The following LEPR variants were observed in gnomAD, a reference collection of about 807,000 sequenced individuals.
The protein encoded by LEPR is leptin receptor.
Under a neutral mutation model 114.7 loss-of-function variants are expected in LEPR, and 56 were observed. That is an observed-to-expected ratio of 0.49 (90% CI 0.39 to 0.61). The LOEUF (loss-of-function observed/expected upper bound fraction) is 0.61. Ranked by LOEUF, LEPR falls within the 20% of genes least tolerant of loss-of-function variation. LEPR has a pLI of 0.00. For synonymous variants in LEPR, 443 were observed against 461.4 expected, an observed-to-expected ratio of 0.96 and a Z score of 0.51; for missense variants, 1,202 against 1,352.9, an observed-to-expected ratio of 0.89 and a Z score of 1.75.
intron 1 of LEPR, among the ~76,000 whole-genome samples, chr1:65,420,963 C>T (rs761798008): frequency 2.0e-5 from 3 of 152,166 alleles, no homozygotes; most frequent in East Asian, 3.9e-4. Context: ...GCTGGCCTTC[C>T]TGCTCTCCAG....
rs149267951 is a variant in LEPR, at chr1:65,585,760, C to T, written c.495-6897C>T. ...TTTGCTTGTTTTAAGCCAAGTATAT[C>T]TCCTGTTACTTTTAAAATTTGATGA... On this transcript the variant is annotated intron_variant, in intron 5 of 19. Coordinates refer to ENST00000349533, the MANE Select transcript of LEPR (RefSeq NM_002303.6). Among the ~76,000 whole-genome samples the T allele has an allele frequency of 1.6e-4, 25 of 152,026 alleles. No homozygotes were observed. The East Asian group carries it at 4.8e-3, about 29-fold the overall frequency.
At chr1:65,590,305 C>A (rs1247649400) in intron 5 of LEPR, among the ~76,000 whole-genome samples, 2 of 150,058 alleles carry the variant, frequency 1.3e-5, no homozygotes, top group Non-Finnish European at 3.0e-5. Flanking sequence ...CAATATCGTG[C>A]TTTCAGTTTT....
chr1:65,526,766 C>T (rs1198337318), intron 2 of LEPR, among the ~76,000 whole-genome samples: 1 of 152,118 alleles, frequency 6.6e-6, no homozygotes, highest in Non-Finnish European at 1.5e-5. Flanking sequence ...AAGATAATTT[C>T]TGAGGGCCTT....
At chr1:65,521,056 C>T (rs572849261) in intron 2 of LEPR, among the ~76,000 whole-genome samples, 1 of 152,298 alleles carries the variant, frequency 6.6e-6, no homozygotes, top group South Asian at 2.1e-4. Flanking sequence ...CAGTTTATGG[C>T]CAGATTTGGG....
At chr1:65,531,247 G>T (rs1650374634) in intron 2 of LEPR, among the ~76,000 whole-genome samples, 1 of 152,024 alleles carries the variant, frequency 6.6e-6, no homozygotes, top group Non-Finnish European at 1.5e-5. Context: ...AGCTTTTCCT[G>T]CCTTGAATGC....
intron 2 of LEPR, among the ~76,000 whole-genome samples, chr1:65,544,665 C>G (rs566445158): frequency 6.7e-6 from 1 of 149,616 alleles, no homozygotes; most frequent in African/African-American, 2.5e-5. Flanking sequence ...TGAATATTAT[C>G]GAAGGCCTTT....
At chr1:65,578,632 T>A (rs1654763645) in intron 5 of LEPR, among the ~76,000 whole-genome samples, 1 of 152,228 alleles carries the variant, frequency 6.6e-6, no homozygotes, top group Admixed American at 6.5e-5. Context: ...TATTGCTCTC[T>A]GGGCAGTATT....
intron 2 of LEPR, among the ~76,000 whole-genome samples, chr1:65,481,504 C>G (rs919404758): frequency 6.6e-6 from 1 of 151,864 alleles, no homozygotes; most frequent in African/African-American, 2.4e-5. Flanking sequence ...AACACACTTT[C>G]CAAGGAACAG....
chr1:65,516,701 G>C (rs1418508611), intron 2 of LEPR, among the ~76,000 whole-genome samples: 1 of 152,184 alleles, frequency 6.6e-6, no homozygotes, highest in African/African-American at 2.4e-5. Context: ...ATGCAACTCA[G>C]TGCGTAAGAA....
chr1:65,593,234 G>A (rs1213860728), intron 6 of LEPR, among the ~76,000 whole-genome samples: 1 of 152,024 alleles, frequency 6.6e-6, no homozygotes, highest in Non-Finnish European at 1.5e-5. Flanking sequence ...ATGTTTGTCA[G>A]AGACTGCTCC....
At position 65,637,139 on chromosome 1, in the gene LEPR, A is replaced by G; in HGVS notation, c.*124A>G. The G allele has an allele frequency of 8.7e-7, 1 of 1,150,340 alleles. No homozygotes were observed. The allele number at this position is 1,150,340 out of a possible 1,614,324, so 71.3% of individuals were successfully genotyped here. ...ATTTGAAAATAATTGTTCCAAATGA[A>G]TGTTGTCTGTTTGTTCTCTCTTAGT... On this transcript the variant is annotated 3_prime_UTR_variant, in exon 20 of 20. Transcript: ENST00000349533.
intron 2 of LEPR, chr1:65,428,112 G>C (rs1646415241): frequency 6.6e-6 from 1 of 152,418 alleles, no homozygotes; most frequent in Non-Finnish European, 1.5e-5. Flanking sequence ...ATGGCTTGCA[G>C]ATCCTCGTTA....
chr1:65,486,697 A>G (rs1647503081), intron 2 of LEPR, among the ~76,000 whole-genome samples: 1 of 152,196 alleles, frequency 6.6e-6, no homozygotes, highest in Non-Finnish European at 1.5e-5. Context: ...GAAAGTTCCA[A>G]CACTAAGGCT....
chr1:65,428,796 C>G (rs1005505896), intron 2 of LEPR, among the ~76,000 whole-genome samples: 3 of 151,722 alleles, frequency 2.0e-5, no homozygotes, highest in African/African-American at 2.4e-5. Flanking sequence ...TTTTGAAGTA[C>G]TGATAGAGAA....
chr1:65,477,569 A>G (rs917696855), intron 2 of LEPR, among the ~76,000 whole-genome samples: 3 of 152,148 alleles, frequency 2.0e-5, no homozygotes, highest in African/African-American at 7.2e-5. Flanking sequence ...GCCACCTGGG[A>G]TCTCTGTGGC....
At chr1:65,626,031 T>A (rs751252338) in intron 19 of LEPR, 24 of 1,155,150 alleles carry the variant, frequency 2.1e-5, no homozygotes, top group Non-Finnish European at 2.9e-5. Context: ...CATGAAGTGG[T>A]TTCTCAGTGT....
At chr1:65,618,312 C>CCTCTTCTCTTCTCTTCTCTT (rs58102309) in intron 16 of LEPR, among the ~76,000 whole-genome samples, 166 bp downstream of exon 16, 72 of 150,270 alleles carry the variant, frequency 4.8e-4, no homozygotes, top group African/African-American at 1.6e-3. Context: ...TAATTCTCTT[C>CCTCTTCTCTTCTCTTCTCTT]CTCTTCTCTT....
chr1:65,576,865 G>A (rs991445061), intron 5 of LEPR: 1 of 317,654 alleles, frequency 3.1e-6, no homozygotes, highest in Non-Finnish European at 6.2e-6. Context: ...ACCCAGATCT[G>A]AAATGTTATT....
At chr1:65,470,230 C>T (rs1647066389) in intron 2 of LEPR, among the ~76,000 whole-genome samples, 1 of 152,178 alleles carries the variant, frequency 6.6e-6, no homozygotes, top group African/African-American at 2.4e-5. Context: ...CCAAGAGGGG[C>T]TGAAATAACT....
Sources: allele counts gnomAD v4.1 joint callset (sites outside exome capture counted in the v4.1 genomes callset), GRCh38; gene constraint gnomAD v4.1.1; transcripts MANE v1.5; gene names NCBI Gene and HGNC (gene_info 2026-07-23, HGNC 2026-07-21).